RAPGEF1: variants seen among roughly 807,000 people sequenced by gnomAD.
RAPGEF1 encodes the protein Rap guanine nucleotide exchange factor 1, also known as CRK SH3-binding GNRP.
In RAPGEF1, 33 loss-of-function variants were observed where a neutral mutation model predicts 143.3. That is an observed-to-expected ratio of 0.23 (90% confidence interval 0.17 to 0.31). The LOEUF is 0.31. Ranked by LOEUF, RAPGEF1 falls within the 10% of genes least tolerant of loss-of-function variation. RAPGEF1 has a pLI of 1.00. For missense variants in RAPGEF1, 1,199 were observed against 1,645.4 expected (o/e 0.73, Z 4.69); for synonymous variants, 629 against 676.5 (o/e 0.93, Z 1.09).
At chr9:131,678,714 G>A (rs1274357120) in intron 1 of RAPGEF1, among the ~76,000 whole-genome samples, 1 of 152,212 alleles carries the variant, frequency 6.6e-6, no homozygotes, top group African/African-American at 2.4e-5. Flanking sequence ...TGCCCACAGG[G>A]ACTGTCAGCA....
chr9:131,706,609 T>C (rs1835083546), intron 1 of RAPGEF1, among the ~76,000 whole-genome samples: 1 of 152,176 alleles, frequency 6.6e-6, no homozygotes, highest in African/African-American at 2.4e-5. Flanking sequence ...AACACTGTTC[T>C]ATAATCCCAT....
chr9:131,645,338 A>G (rs1969278122), intron 3 of RAPGEF1, among the ~76,000 whole-genome samples: 1 of 152,240 alleles, frequency 6.6e-6, no homozygotes, highest in Non-Finnish European at 1.5e-5. Flanking sequence ...GCTGAGGAAC[A>G]GGAAACATTT....
chr9:131,629,366 G>T, intron 6 of RAPGEF1, 112 bp from the exon 7 acceptor site: 1 of 1,105,338 alleles, frequency 9.0e-7, no homozygotes, highest in Non-Finnish European at 1.3e-6. Context: ...GGTGAGGTGG[G>T]GCTGAAGAGC....
chr9:131,699,947 T>C (rs536087047), intron 1 of RAPGEF1, among the ~76,000 whole-genome samples: 1 of 152,306 alleles, frequency 6.6e-6, no homozygotes, highest in African/African-American at 2.4e-5. Context: ...ATACTCCAGA[T>C]TTTAATGGCC....
chr9:131,706,768 G>A (rs974700861), intron 1 of RAPGEF1, among the ~76,000 whole-genome samples: 1 of 152,106 alleles, frequency 6.6e-6, no homozygotes, highest in African/African-American at 2.4e-5. Context: ...CGCAGTCCCC[G>A]GGTCTATCAG....
At chr9:131,709,850 A>G (rs1835380837) in intron 1 of RAPGEF1, 1 of 1,427,636 alleles carries the variant, frequency 7.0e-7, no homozygotes, top group Non-Finnish European at 9.1e-7. Flanking sequence ...CTCATTCTCA[A>G]GTCTTTGCCT....
intron 11 of RAPGEF1, among the ~76,000 whole-genome samples, chr9:131,619,553 A>G (rs1960118639): frequency 6.6e-6 from 1 of 152,112 alleles, no homozygotes; most frequent in South Asian, 2.1e-4. Context: ...TGTCATTCAC[A>G]CGTCTTCAGA....
intron 1 of RAPGEF1, among the ~76,000 whole-genome samples, chr9:131,687,926 G>C (rs968118994): frequency 1.3e-5 from 2 of 152,226 alleles, no homozygotes; most frequent in East Asian, 1.9e-4. Flanking sequence ...TGAGGAACAA[G>C]TGTGTTACCC....
At chr9:131,637,230 A>G (rs187661166) in intron 5 of RAPGEF1, among the ~76,000 whole-genome samples, 150 of 140,896 alleles carry the variant, frequency 1.1e-3, no homozygotes, top group Middle Eastern at 3.5e-3. Flanking sequence ...GTCTCAGAGA[A>G]AAAAAAAAAA....
At chr9:131,666,442 A>G (rs1374519493) in intron 1 of RAPGEF1, among the ~76,000 whole-genome samples, 4 of 151,956 alleles carry the variant, frequency 2.6e-5, no homozygotes, top group Non-Finnish European at 4.4e-5. Context: ...ACTGGAGTGC[A>G]GTGGCAAGAT....
intron 1 of RAPGEF1, among the ~76,000 whole-genome samples, chr9:131,670,655 G>A (rs538515214): frequency 1.2e-4 from 19 of 152,288 alleles, no homozygotes; most frequent in Admixed American, 8.5e-4. Context: ...TACTCTCAGC[G>A]CAAAACCTCG....
At chr9:131,688,464 A>G (rs1833531057) in intron 1 of RAPGEF1, among the ~76,000 whole-genome samples, 1 of 152,180 alleles carries the variant, frequency 6.6e-6, no homozygotes, top group Non-Finnish European at 1.5e-5. Context: ...CTCACTTTAT[A>G]CTGCTAAATA....
At chr9:131,739,524 C>T (rs1443736234) in intron 1 of RAPGEF1, among the ~76,000 whole-genome samples, 1 of 151,376 alleles carries the variant, frequency 6.6e-6, no homozygotes, top group African/African-American at 2.4e-5. Context: ...GCGCCCGGCC[C>T]CGGGTTGCAG....
intron 18 of RAPGEF1, among the ~76,000 whole-genome samples, chr9:131,590,513 T>C (rs549157414): frequency 4.6e-5 from 7 of 152,314 alleles, no homozygotes; most frequent in African/African-American, 7.2e-5. Context: ...ACGCTCCACA[T>C]TGGCTCCCTG....
chr9:131,620,911 T>G (rs946345285), intron 11 of RAPGEF1, among the ~76,000 whole-genome samples: 5 of 152,180 alleles, frequency 3.3e-5, no homozygotes, highest in Non-Finnish European at 7.3e-5. Context: ...CGCCTCCTGG[T>G]AGAAGCCACC....
At chr9:131,616,011 A>G (rs1365328672) in intron 12 of RAPGEF1, among the ~76,000 whole-genome samples, 1 of 152,190 alleles carries the variant, frequency 6.6e-6, no homozygotes, top group Non-Finnish European at 1.5e-5. Context: ...TCACGCCTGT[A>G]ATCCCAGCAC....
In RAPGEF1 at chr9:131,584,224, G is replaced by A; in HGVS notation, c.3414+87C>T. On this transcript the variant is annotated intron_variant, in intron 24 of 26. Transcript: ENST00000683357. The surrounding 1 kb of genome is among the most constrained non-coding windows in gnomAD (Gnocchi z 6.8). The stretch of plus-strand genomic sequence containing the variant: ...CTAGGCCCAGCATTTGCTCCAGTGG[G>A]AGCACTTTCTGCCACAGCTAGTCGC... 1 of 1,262,468 alleles carries A rather than the reference G, an allele frequency of 7.9e-7. No homozygotes were observed. The allele number at this position is 1,262,468 out of a possible 1,614,324, so 78.2% of individuals were successfully genotyped here.
rs562818497 is a variant in RAPGEF1, at chr9:131,627,938, G to C, written c.1176C>G (p.Ser392=). 15 of 1,587,324 alleles carry C rather than the reference G, an allele frequency of 9.4e-6. No individual in the cohort carries two copies. The East Asian group carries it at 3.4e-4, about 36-fold the overall frequency. ...SSLDRDSGQC[S]RNTSCETLDH... Reference sequence around the variant, plus strand: ...CTAGTGTTTCACAGCTTGTGTTCCGGGAGCACTGCCCACTGTCCCTGTCCA... The same window carrying C: ...CTAGTGTTTCACAGCTTGTGTTCCGCGAGCACTGCCCACTGTCCCTGTCCA... Residue 392 remains serine (S), a synonymous_variant, in exon 9 of 27, where the codon TCC becomes TCG. Transcript: ENST00000683357.
rs776692924 is a variant in RAPGEF1 at position 131,626,218 on chromosome 9, G to A, written c.1406C>T (p.Thr469Met). 62 of 1,613,718 alleles carry A rather than the reference G, an allele frequency of 3.8e-5. 2 individuals are homozygous for A. In the Admixed American group the frequency reaches 4.7e-4, roughly 12 times the overall value. ...CTTCTTCTCGGGGAGAGCAGGTGGC[G>A]TATCTGTCTGCTGCCCTGGGGCCAG... ...GPLAPGQQTD[T>M]PPALPEKKRR... Residue 469 changes from threonine to methionine, a missense_variant, in exon 10 of 27, where the codon ACG becomes ATG. By Grantham distance (81) the Thr-to-Met change is moderately conservative. Transcript: ENST00000683357.
Sources: allele counts gnomAD v4.1 joint callset (sites outside exome capture counted in the v4.1 genomes callset), GRCh38; gene constraint gnomAD v4.1.1; non-coding constraint Gnocchi (gnomAD v3.1); transcripts MANE v1.5; gene names NCBI Gene and HGNC (gene_info 2026-07-23, HGNC 2026-07-21).